Variants in TNFSF8 observed in about 807,000 individuals in gnomAD.
TNFSF8 encodes the protein tumor necrosis factor ligand superfamily member 8.
A neutral mutation model predicts 22.0 loss-of-function variants in TNFSF8; 4 were observed. The ratio of observed to expected loss-of-function variants is 0.18; its 90% CI spans 0.09 to 0.42. The LOEUF (loss-of-function observed/expected upper bound fraction) is 0.42. Among genes scored for constraint, TNFSF8 ranks in the 10% least tolerant of loss-of-function variants. TNFSF8 has a pLI of 1.00. For synonymous variants in TNFSF8, 106 were observed against 112.5 expected, an observed-to-expected ratio of 0.94 and a Z score of 0.37; for missense variants, 233 against 281.8, an observed-to-expected ratio of 0.83 and a Z score of 1.24.
At chr9:114,899,342 A>ATTTTTTTTTTTT (rs137946179), downstream of TNFSF8, among the ~76,000 whole-genome samples, 8 of 142,624 alleles carry the variant, frequency 5.6e-5, no homozygotes, top group African/African-American at 5.4e-5. Flanking sequence ...ACAGTAAGTT[A>ATTTTTTTTTTTT]TTATTTTTTT....
chr9:114,925,763 T>C (rs1380811626), intron 1 of TNFSF8, among the ~76,000 whole-genome samples: 1 of 152,186 alleles, frequency 6.6e-6, no homozygotes, highest in East Asian at 1.9e-4. Context: ...CTTGAAAGCC[T>C]ACCGATTGTG....
chr9:114,926,527 G>C (rs1483334712), intron 1 of TNFSF8, among the ~76,000 whole-genome samples: 1 of 152,168 alleles, frequency 6.6e-6, no homozygotes, highest in Non-Finnish European at 1.5e-5. Context: ...AAATTCTAGA[G>C]AAAACATTGA....
downstream of TNFSF8, among the ~76,000 whole-genome samples, chr9:114,899,116 A>G (rs929814136): frequency 6.6e-6 from 1 of 152,124 alleles, no homozygotes; most frequent in Non-Finnish European, 1.5e-5. Flanking sequence ...AGAAAAACCA[A>G]ACACCTCCAC....
chr9:114,902,132 T>C lies in TNFSF8; in HGVS notation c.*1799A>G. The C allele has an allele frequency of 2.4e-5, 24 of 985,386 alleles. No homozygotes were observed. Among genetic ancestry groups the C allele is most frequent in the Non-Finnish European group, 2.9e-5 (24 of 829,922 alleles). The allele number at this position is 985,386 out of a possible 1,614,324, so 61.0% of individuals were successfully genotyped here. A position where few individuals can be genotyped will look rare whatever the true frequency, so the allele number is the denominator to read the frequency against. ...TCAAGGTCCTTCCACAAATAAGATG[T>C]TCCTCCAAAGATGATGTACAGATGC... On this transcript the variant is annotated 3_prime_UTR_variant, in exon 4 of 4. Transcript: ENST00000223795.
At chr9:114,912,731 G>A (rs1827867934) in intron 2 of TNFSF8, among the ~76,000 whole-genome samples, 1 of 152,238 alleles carries the variant, frequency 6.6e-6, no homozygotes. Flanking sequence ...TGGGACATGA[G>A]GGATAGTTGG....
downstream of TNFSF8, chr9:114,901,102 G>A: frequency 2.0e-6 from 2 of 985,294 alleles, no homozygotes; most frequent in Non-Finnish European, 2.4e-6. Context: ...AGGAGCTCAA[G>A]TTGAGTTTTT....
At chr9:114,921,022 G>C (rs748032639) in intron 1 of TNFSF8, among the ~76,000 whole-genome samples, 2 of 152,184 alleles carry the variant, frequency 1.3e-5, no homozygotes, top group Non-Finnish European at 2.9e-5. Flanking sequence ...CTGGCCCACA[G>C]AACACTTTGA....
intron 2 of TNFSF8, among the ~76,000 whole-genome samples, chr9:114,911,170 C>T (rs1827847867): frequency 6.6e-6 from 1 of 152,232 alleles, no homozygotes; most frequent in Non-Finnish European, 1.5e-5. Flanking sequence ...AAATGAAGCT[C>T]ATGACATTAT....
chr9:114,927,299 G>A (rs1828075955), intron 1 of TNFSF8, among the ~76,000 whole-genome samples: 2 of 151,974 alleles, frequency 1.3e-5, no homozygotes, highest in South Asian at 2.1e-4. Flanking sequence ...CCTGCACACA[G>A]TAGATATTTA....
At chr9:114,912,795 T>C (rs1361549783) in intron 2 of TNFSF8, among the ~76,000 whole-genome samples, 5 of 152,340 alleles carry the variant, frequency 3.3e-5, no homozygotes, top group African/African-American at 1.2e-4. Flanking sequence ...AGGTGCAGCT[T>C]TTATTGTTTC....
chr9:114,897,758 G>A (rs548767470), downstream of TNFSF8, among the ~76,000 whole-genome samples: 10 of 152,018 alleles, frequency 6.6e-5, no homozygotes, highest in East Asian at 1.5e-3. Context: ...TTTGATCATA[G>A]AGCACAAGGA....
intron 2 of TNFSF8, among the ~76,000 whole-genome samples, chr9:114,917,043 C>T (rs1049013574): frequency 3.9e-5 from 6 of 152,134 alleles, no homozygotes; most frequent in African/African-American, 1.4e-4. Context: ...GGGACTTTTG[C>T]CCCTATTTTT....
chr9:114,905,799 GT>G (rs775308511), intron 3 of TNFSF8, 28 bp downstream of exon 3: 15 of 1,577,208 alleles, frequency 9.5e-6, no homozygotes, highest in Non-Finnish European at 1.2e-5. Context: ...GTTTTCATAT[GT>G]TTAGGTTTCC....
intron 1 of TNFSF8, among the ~76,000 whole-genome samples, chr9:114,926,742 T>C (rs1021702631): frequency 1.3e-5 from 2 of 151,996 alleles, no homozygotes; most frequent in Non-Finnish European, 2.9e-5. Context: ...ATGTGTACTG[T>C]GTATTTGTAG....
chr9:114,917,994 G>T, intron 2 of TNFSF8, 102 bp downstream of exon 2: 2 of 1,211,406 alleles, frequency 1.7e-6, no homozygotes, highest in Non-Finnish European at 2.3e-6. Context: ...TTACTGTTGG[G>T]TCATGTCATA....
exon 5 of TNFSF8, chr9:114,894,071 A>T: frequency 6.5e-7 from 1 of 1,534,402 alleles, no homozygotes; most frequent in Non-Finnish European, 8.7e-7. Context: ...AGCAACCAGC[A>T]TCAAGGTTCA....
At chr9:114,909,938 A>G (rs746769292) in intron 2 of TNFSF8, among the ~76,000 whole-genome samples, 1 of 152,190 alleles carries the variant, frequency 6.6e-6, no homozygotes, top group Non-Finnish European at 1.5e-5. Flanking sequence ...GTGCTCCTCA[A>G]TGTTGCCCCT....
intron 2 of TNFSF8, among the ~76,000 whole-genome samples, chr9:114,908,342 C>T (rs1299939858): frequency 6.6e-6 from 1 of 152,200 alleles, no homozygotes; most frequent in African/African-American, 2.4e-5. Context: ...TTGCCTTTTG[C>T]CTGAGGGCTA....
In TNFSF8 at chr9:114,901,342, G is replaced by A; in HGVS notation, c.*2589C>T. ...ATTATTCTCTTTTTTTGTTTGTTTG[G>A]TTACATTATTCATTTAAATGATGTA... On this transcript the variant is annotated 3_prime_UTR_variant, in exon 4 of 4. Coordinates refer to ENST00000223795, the MANE Select transcript of TNFSF8 (RefSeq NM_001244.4). 2 of 985,074 alleles carry A rather than the reference G, an allele frequency of 2.0e-6. No individual in the cohort carries two copies. Among genetic ancestry groups the A allele is most frequent in the South Asian group, 4.7e-5 (1 of 21,266 alleles). The allele number at this position is 985,074 out of a possible 1,614,324, so 61.0% of individuals were successfully genotyped here.
Sources: allele counts gnomAD v4.1 joint callset (sites outside exome capture counted in the v4.1 genomes callset), GRCh38; gene constraint gnomAD v4.1.1; transcripts MANE v1.5; gene names NCBI Gene and HGNC (gene_info 2026-07-23, HGNC 2026-07-21).